USP50: variants seen among roughly 807,000 people sequenced by gnomAD.
The protein encoded by USP50 is ubiquitin specific peptidase 50, also known as ubiquitin carboxyl-terminal hydrolase 50.
USP50 carries 37 observed loss-of-function variants against 39.2 expected under a neutral mutation model. That is an observed-to-expected ratio of 0.94 (90% CI 0.73 to 1.24). The LOEUF is 1.24. Among genes scored for constraint, USP50 ranks in the 50% most tolerant of loss-of-function variants. USP50 has a pLI of 0.00. For missense variants in USP50, 374 were observed against 398.2 expected (o/e 0.94, Z 0.52); for synonymous variants, 139 against 144.5 (o/e 0.96, Z 0.27).
intron 6 of USP50, among the ~76,000 whole-genome samples, chr15:50,515,333 C>T (rs1030692167): frequency 6.6e-6 from 1 of 152,070 alleles, no homozygotes; most frequent in Non-Finnish European, 1.5e-5. Context: ...CCTCTGCCTC[C>T]CGGGTTCACG....
chr15:50,510,678 T>G (rs1180229087), intron 6 of USP50: 1 of 152,172 alleles, frequency 6.6e-6, no homozygotes, highest in Non-Finnish European at 1.5e-5. Context: ...TGTGCACATA[T>G]ATATGTATAG....
At chr15:50,544,136 C>G (rs1014638018) in intron 2 of USP50, 4 of 276,752 alleles carry the variant, frequency 1.4e-5, no homozygotes, top group Non-Finnish European at 2.8e-5. Flanking sequence ...AGGCCAGGAG[C>G]TCAAGACCAG....
chr15:50,499,075 A>T (rs1194842774), downstream of USP50: 1 of 1,607,886 alleles, frequency 6.2e-7, no homozygotes, highest in Non-Finnish European at 8.5e-7. Flanking sequence ...CGAGTAACTG[A>T]TGTAGCCACA....
chr15:50,505,319 C>T (rs1167342273), intron 6 of USP50: 1 of 152,096 alleles, frequency 6.6e-6, no homozygotes, highest in Non-Finnish European at 1.5e-5. Flanking sequence ...AAGAATCTAA[C>T]CTGCTGGTAG....
intron 1 of USP50, chr15:50,494,316 T>A: frequency 1.3e-6 from 2 of 1,553,900 alleles, no homozygotes; most frequent in Non-Finnish European, 1.7e-6. Flanking sequence ...GCAGAGACTC[T>A]TTAGGGTTGC....
chr15:50,500,910 C>A, intron 6 of USP50, 73 bp from the exon 7 acceptor site: 2 of 1,214,288 alleles, frequency 1.6e-6, no homozygotes, highest in Non-Finnish European at 2.4e-6. Flanking sequence ...ATGATAGGGC[C>A]AAGAGATGCT....
intron 6 of USP50, among the ~76,000 whole-genome samples, chr15:50,518,201 T>C (rs976876800): frequency 1.3e-5 from 2 of 149,960 alleles, no homozygotes; most frequent in South Asian, 4.2e-4. Context: ...TACAGCCAAC[T>C]GATTTTTCTT....
At position 50,527,510 on chromosome 15, in the gene USP50, G is replaced by A. The variant is rs556744939; in HGVS notation, c.936+2287C>T. Among the ~76,000 whole-genome samples, 8 of 151,754 alleles carry A rather than the reference G, an allele frequency of 5.3e-5. No homozygotes were observed. The South Asian group carries it at 1.3e-3, about 24-fold the overall frequency. On this transcript the variant is annotated intron_variant, in intron 6 of 6. Transcript: ENST00000532404. ...GTGTAAGCCACCATGCCCGGCCTGA[G>A]ATTCTTTATTTCTAACAAGTGGTGC...
At chr15:50,496,121 A>C (rs922385143), downstream of USP50, 1 of 1,493,042 alleles carries the variant, frequency 6.7e-7, no homozygotes, top group African/African-American at 1.4e-5. Context: ...GATTTATTGG[A>C]TAAAAATGCT....
intron 5 of USP50, among the ~76,000 whole-genome samples, chr15:50,535,164 C>CACAA (rs1020504317): frequency 2.7e-5 from 4 of 150,756 alleles, no homozygotes; most frequent in African/African-American, 4.9e-5. Context: ...CACACACACA[C>CACAA]AAAAATTGAT....
At chr15:50,516,549 G>A (rs772678436) in intron 6 of USP50, among the ~76,000 whole-genome samples, 8 of 152,058 alleles carry the variant, frequency 5.3e-5, no homozygotes, top group Admixed American at 3.9e-4. Context: ...CCCAGGAGGC[G>A]GAGGTTGCAG....
chr15:50,497,053 A>G (rs556801302), downstream of USP50: 19 of 1,572,246 alleles, frequency 1.2e-5, no homozygotes, highest in African/African-American at 2.5e-4. Flanking sequence ...GAAGAATCGA[A>G]TTAACGAGTA....
chr15:50,512,015 A>T (rs1185302911), intron 6 of USP50: 4 of 152,062 alleles, frequency 2.6e-5, no homozygotes, highest in Non-Finnish European at 4.4e-5. Context: ...AATAAATAAA[A>T]TTTTAAAAAT....
chr15:50,540,887 G>C (rs552813028), intron 4 of USP50, among the ~76,000 whole-genome samples, 162 bp downstream of exon 4: 1 of 152,222 alleles, frequency 6.6e-6, no homozygotes, highest in South Asian at 2.1e-4. Context: ...GCTTTCAAAA[G>C]TGCTCGGATT....
At chr15:50,497,462 T>TTAAA (rs1265329544), downstream of USP50, 1 of 363,718 alleles carries the variant, frequency 2.7e-6, no homozygotes, top group East Asian at 4.3e-5. Context: ...CCTTATAATT[T>TTAAA]TAAATAATTA....
intron 1 of USP50, among the ~76,000 whole-genome samples, chr15:50,546,051 T>G (rs1596023083): frequency 1.3e-5 from 2 of 151,792 alleles, no homozygotes; most frequent in African/African-American, 4.8e-5. Context: ...GGACCTCCTC[T>G]CCCTGCACAG....
chr15:50,533,972 G>C (rs1305260106), intron 5 of USP50, among the ~76,000 whole-genome samples: 1 of 152,102 alleles, frequency 6.6e-6, no homozygotes, highest in Non-Finnish European at 1.5e-5. Flanking sequence ...TGCCCTCCAG[G>C]CTGGGCAACA....
At chr15:50,520,260 T>C (rs1055968392) in intron 6 of USP50, among the ~76,000 whole-genome samples, 1 of 151,434 alleles carries the variant, frequency 6.6e-6, no homozygotes, top group African/African-American at 2.4e-5. Context: ...AATGGAGCCA[T>C]GATTTCACCA....
downstream of USP50, chr15:50,499,784 C>T (rs909740054): frequency 5.3e-5 from 8 of 151,880 alleles, no homozygotes; most frequent in Non-Finnish European, 7.4e-5. Context: ...TAATTTATAA[C>T]CCTGTGGGTG....
Sources: gnomAD v4.1 joint callset for allele counts (sites outside exome capture counted in the v4.1 genomes callset) on GRCh38, gnomAD v4.1.1 for gene constraint, MANE v1.5 for transcripts, NCBI Gene and HGNC (gene_info 2026-07-23, HGNC 2026-07-21) for gene names.